The following NPRL3 variants were observed in gnomAD, a reference collection of about 807,000 sequenced individuals.
NPRL3 encodes the protein NPR3 like, GATOR1 complex subunit.
Under a neutral mutation model 57.2 loss-of-function variants are expected in NPRL3, and 23 were observed. The ratio of observed to expected loss-of-function variants is 0.40; its 90% CI spans 0.29 to 0.57. The LOEUF is 0.57. NPRL3 is among the 20% of genes least tolerant of loss of function. The pLI is 0.42. For missense variants in NPRL3, 691 were observed against 767.1 expected (o/e 0.90, Z 1.17); for synonymous variants, 333 against 321.1 (o/e 1.04, Z -0.39).
intron 7 of NPRL3, among the ~76,000 whole-genome samples, chr16:105,314 T>G (rs1173222983): frequency 6.6e-6 from 1 of 152,170 alleles, no homozygotes; most frequent in Non-Finnish European, 1.5e-5. Context: ...ATTCCTAACC[T>G]TAGAACTAGA....
intron 3 of NPRL3, among the ~76,000 whole-genome samples, chr16:121,991 T>C (rs1279465715): frequency 6.6e-6 from 1 of 152,148 alleles, no homozygotes; most frequent in Admixed American, 6.5e-5. Flanking sequence ...GTCAGGCTGG[T>C]CTCGAACTCC....
rs200792895 is a variant in NPRL3, at chr16:89,796, G to A, written c.1268C>T (p.Pro423Leu). Reference sequence around the variant, plus strand: ...AGTGAAGGGGACGTCGTCCTCTCGCGGACGGGGCTCCTCCTCGCTGGGTGA... The same window carrying A: ...AGTGAAGGGGACGTCGTCCTCTCGCAGACGGGGCTCCTCCTCGCTGGGTGA... ...MASPSEEEPR[P>L]REDDVPFTAR... Residue 423 changes from proline (P) to leucine (L), a missense_variant, in exon 12 of 14, where the codon CCG (proline) becomes CTG (leucine). By Grantham distance (98) the Pro-to-Leu change is moderately conservative (BLOSUM62 -3). Transcript: ENST00000611875. The A allele has an allele frequency of 1.5e-4, 240 of 1,598,924 alleles. No homozygotes were observed. Among genetic ancestry groups the A allele is most frequent in the Admixed American group, 2.6e-4 (15 of 57,948 alleles).
In NPRL3 at chr16:85,821, C is replaced by A. The variant is rs891188275; in HGVS notation, c.*884G>T. Reference sequence around the variant, plus strand: ...CAAGATTTTTTAATTGTTTAAAAACCGAATAAATGTTTTATTTCTAGAAAA... The same window carrying A: ...CAAGATTTTTTAATTGTTTAAAAACAGAATAAATGTTTTATTTCTAGAAAA... On this transcript the variant is annotated 3_prime_UTR_variant, in exon 14 of 14. Coordinates refer to ENST00000611875, the MANE Select transcript of NPRL3 (RefSeq NM_001077350.3). The A allele has an allele frequency of 2.8e-6, 4 of 1,441,764 alleles. No individual in the cohort carries two copies. In the African/African-American group the frequency reaches 5.7e-5, roughly 21 times the overall value. The allele number at this position is 1,441,764 out of a possible 1,614,324, so 89.3% of individuals were successfully genotyped here.
chr16:122,603 T>C (rs1900330189), intron 3 of NPRL3, among the ~76,000 whole-genome samples: 1 of 152,144 alleles, frequency 6.6e-6, no homozygotes, highest in Non-Finnish European at 1.5e-5. Flanking sequence ...TGCAGCACAA[T>C]AAAACATCTG....
intron 7 of NPRL3, among the ~76,000 whole-genome samples, chr16:109,767 A>G (rs183827217): frequency 1.3e-3 from 191 of 152,296 alleles, no homozygotes; most frequent in African/African-American, 2.9e-3. Context: ...CTTAACCAGT[A>G]TAACAGGTGG....
chr16:125,409 G>A (rs1900473059), intron 3 of NPRL3, among the ~76,000 whole-genome samples: 1 of 152,328 alleles, frequency 6.6e-6, no homozygotes, highest in Non-Finnish European at 1.5e-5. Context: ...AGAGGAAAAG[G>A]AGTAAGCACA....
intron 3 of NPRL3, among the ~76,000 whole-genome samples, chr16:121,393 T>C (rs1354638943): frequency 2.0e-5 from 3 of 152,106 alleles, no homozygotes; most frequent in East Asian, 3.9e-4. Context: ...GAGGCTGAAG[T>C]GGGTGGATCA....
At chr16:100,990 A>AAAAAAAAAAAAAAAAT in intron 7 of NPRL3, among the ~76,000 whole-genome samples, 1 of 145,234 alleles carries the variant, frequency 6.9e-6, no homozygotes, top group African/African-American at 2.5e-5. Flanking sequence ...AAAAAAAAAA[A>AAAAAAAAAAAAAAAAT]GGAAGAAGAA....
chr16:91,849 C>G (rs1898776690), intron 11 of NPRL3, among the ~76,000 whole-genome samples: 1 of 152,246 alleles, frequency 6.6e-6, no homozygotes, highest in South Asian at 2.1e-4. Context: ...TCCTATCTGG[C>G]CCTGCTCTGA....
At chr16:89,452 A>C (rs1166117424) in intron 12 of NPRL3, 2 of 465,606 alleles carry the variant, frequency 4.3e-6, no homozygotes, top group African/African-American at 4.1e-5. Context: ...CAGAGATTCC[A>C]GCACTGATTT....
At chr16:112,208 A>G (rs1899844921) in intron 6 of NPRL3, among the ~76,000 whole-genome samples, 1 of 152,234 alleles carries the variant, frequency 6.6e-6, no homozygotes, top group Admixed American at 6.5e-5. Context: ...GTGATCATGC[A>G]GCAGTGTGTG....
intron 5 of NPRL3, among the ~76,000 whole-genome samples, chr16:116,215 TG>T (rs1268657259): frequency 6.6e-6 from 1 of 152,214 alleles, no homozygotes; most frequent in Non-Finnish European, 1.5e-5. Context: ...TACAGCATCC[TG>T]GGTGGGGCTG....
At chr16:118,217 C>T (rs1047741107) in intron 4 of NPRL3, among the ~76,000 whole-genome samples, 14 of 152,148 alleles carry the variant, frequency 9.2e-5, no homozygotes, top group Admixed American at 1.3e-4. Flanking sequence ...CTAAATCCTA[C>T]GTTACTGTGT....
intron 3 of NPRL3, among the ~76,000 whole-genome samples, chr16:128,421 G>T (rs1221408752): frequency 2.6e-5 from 4 of 152,204 alleles, no homozygotes; most frequent in African/African-American, 9.6e-5. Context: ...TACTGTTTCA[G>T]TCTGGTAAAC....
At chr16:94,736 A>G (rs1469325766) in intron 9 of NPRL3, among the ~76,000 whole-genome samples, 1 of 152,104 alleles carries the variant, frequency 6.6e-6, no homozygotes, top group African/African-American at 2.4e-5. Flanking sequence ...TGGCTCCGCC[A>G]ACCCCGACAT....
chr16:86,681 C>T lies in NPRL3; in HGVS notation c.*24G>A. 1.3e-6 allele frequency: 2 copies of T among 1,537,224 alleles called. No homozygotes were observed. The highest frequency in any genetic ancestry group is 1.2e-5 in the South Asian group (1 of 83,728). ...GCGAGCGCCCACCTGCGCACCCCAG[C>T]AGCCTTCCGCCCTCCGCCTGGGCTC... On this transcript the variant is annotated 3_prime_UTR_variant, in exon 14 of 14. Coordinates refer to ENST00000611875, the MANE Select transcript of NPRL3 (RefSeq NM_001077350.3).
rs756373989 is a variant in NPRL3, at chr16:88,883, G to A, written c.1359C>T (p.Ser453=). The change falls in exon 13 of 14, where the codon AGC becomes AGT. Residue 453 remains serine, a synonymous_variant. Transcript: ENST00000611875. ...TGGGGCTGGTGAGGGTCATGTCATC[G>A]CTGCTGGCTGTGGGGGACATGGGTC... ...NALSFGSPTS[S]DDMTLTSPSM... The A allele has an allele frequency of 1.3e-5, 21 of 1,609,672 alleles. No individual in the cohort carries two copies. The highest frequency in any genetic ancestry group is 2.2e-5 in the East Asian group (1 of 44,730).
intron 12 of NPRL3, chr16:89,315 G>GGGGACCT (rs1442844989): frequency 3.8e-6 from 1 of 265,544 alleles, no homozygotes; most frequent in Non-Finnish European, 7.2e-6. Context: ...CCTGGGGACC[G>GGGGACCT]GGGACCTGGG....
intron 2 of NPRL3, among the ~76,000 whole-genome samples, chr16:131,078 T>A (rs184807737): frequency 6.6e-6 from 1 of 152,256 alleles, no homozygotes; most frequent in Non-Finnish European, 1.5e-5. Context: ...CCCGTGCCTG[T>A]AATCCCAACC....
Sources: gnomAD v4.1 joint callset for allele counts (sites outside exome capture counted in the v4.1 genomes callset) on GRCh38, gnomAD v4.1.1 for gene constraint, MANE v1.5 for transcripts, NCBI Gene and HGNC (gene_info 2026-07-23, HGNC 2026-07-21) for gene names.